Variants in MYH14 observed in about 807,000 individuals in gnomAD.
MYH14 encodes the protein myosin heavy chain 14.
Under a neutral mutation model 255.5 loss-of-function variants are expected in MYH14, and 123 were observed. The observed-to-expected ratio is 0.48, with a 90% CI of 0.42 to 0.56. The LOEUF is 0.56. Ranked by LOEUF, MYH14 falls within the 20% of genes least tolerant of loss-of-function variation. MYH14 has a pLI of 0.00. For missense variants in MYH14, 2,423 were observed against 2,802.3 expected (o/e 0.86, Z 3.06); for synonymous variants, 1,095 against 1,161.2 (o/e 0.94, Z 1.16).
chr19:50,264,424 C>T (rs952655567), intron 22 of MYH14, among the ~76,000 whole-genome samples: 3 of 152,182 alleles, frequency 2.0e-5, no homozygotes, highest in Non-Finnish European at 4.4e-5. Context: ...CCCAAGGCCC[C>T]AGGTAAACCA....
At chr19:50,238,994 TC>T (rs1486212539) in intron 10 of MYH14, among the ~76,000 whole-genome samples, 1 of 151,914 alleles carries the variant, frequency 6.6e-6, no homozygotes, top group Non-Finnish European at 1.5e-5. Flanking sequence ...AGGCCAGTTG[TC>T]CCCCAACCTC....
chr19:50,304,556 C>T (rs1333040050), intron 40 of MYH14, among the ~76,000 whole-genome samples: 3 of 152,208 alleles, frequency 2.0e-5, no homozygotes, highest in African/African-American at 7.2e-5. Flanking sequence ...CACCACTGCA[C>T]TCTAGCCTGG....
chr19:50,208,282 G>A lies in MYH14; in HGVS notation c.-3-2081G>A, dbSNP rs1302591214. Among the ~76,000 whole-genome samples, 5 of 152,154 alleles carry A rather than the reference G, an allele frequency of 3.3e-5. No homozygotes were observed. The South Asian group carries it at 1.0e-3, about 32-fold the overall frequency. Reference sequence around the variant, plus strand: ...ATACAAAAATTAGCCAGGCATAGAGGCATGCGCCTGTAATCCCAGCTACTT... The same window carrying A: ...ATACAAAAATTAGCCAGGCATAGAGACATGCGCCTGTAATCCCAGCTACTT... On this transcript the variant is annotated intron_variant, in intron 1 of 42. Coordinates refer to ENST00000642316, the MANE Select transcript of MYH14 (RefSeq NM_001145809.2).
In MYH14 at chr19:50,276,404, CAG is replaced by C. The variant is rs1265758906; in HGVS notation, c.3680+202_3680+203del. 6.6e-6 allele frequency among the ~76,000 whole-genome samples: 1 copy of C among 152,154 alleles called. No individual in the cohort carries two copies. Among genetic ancestry groups the C allele is most frequent in the African/African-American group, 2.4e-5 (1 of 41,426 alleles). ...TGTTACCCTTGGGAACTTCCAGTCT[CAG>C]GGGAGGCAGATTCAGGCAAAGACAA... On this transcript the variant is annotated intron_variant, in intron 28 of 42. Coordinates refer to ENST00000642316, the MANE Select transcript of MYH14 (RefSeq NM_001145809.2). The surrounding 1 kb of genome is among the most constrained non-coding windows in gnomAD (Gnocchi z 4.3).
intron 1 of MYH14, among the ~76,000 whole-genome samples, chr19:50,206,063 G>A (rs1341191907): frequency 6.6e-6 from 1 of 152,182 alleles, no homozygotes. Flanking sequence ...GGAAGGGTAG[G>A]GCAGTCAGAG....
Position 50,230,257 on chromosome 19 carries a change from AAG to A in MYH14, c.875-251_875-250del, listed in dbSNP as rs113332156. On this transcript the variant is annotated intron_variant, in intron 8 of 42. Coordinates refer to ENST00000642316, the MANE Select transcript of MYH14 (RefSeq NM_001145809.2). The surrounding 1 kb of genome is among the most constrained non-coding windows in gnomAD (Gnocchi z 4.7). ...GACAGAGCAAGACCCTGTCTCTAAA[AAG>A]AGAGAGAGAGAGAGAGGAAGGTCTC... 6.6e-5 allele frequency among the ~76,000 whole-genome samples: 10 copies of A among 151,152 alleles called. No homozygotes were observed. Among genetic ancestry groups the A allele is most frequent in the African/African-American group, 1.5e-4 (6 of 41,284 alleles).
chr19:50,208,284 A>G (rs2031939322), intron 1 of MYH14, among the ~76,000 whole-genome samples: 1 of 152,128 alleles, frequency 6.6e-6, no homozygotes, highest in Non-Finnish European at 1.5e-5. Flanking sequence ...GCATAGAGGC[A>G]TGCGCCTGTA....
At chr19:50,245,372 AT>A (rs1438212425) in intron 11 of MYH14, among the ~76,000 whole-genome samples, 4 of 147,582 alleles carry the variant, frequency 2.7e-5, no homozygotes, top group Admixed American at 6.9e-5. Flanking sequence ...TTGAGCCGAG[AT>A]TGTGCCGCTG....
intron 29 of MYH14, 120 bp downstream of exon 29, chr19:50,277,021 C>T: frequency 2.9e-6 from 2 of 696,156 alleles, no homozygotes; most frequent in South Asian, 3.7e-5. Context: ...CCCCTTTCCT[C>T]ACGCATTCAT....
chr19:50,216,945 C>G (rs1448718409), intron 2 of MYH14, among the ~76,000 whole-genome samples: 1 of 151,094 alleles, frequency 6.6e-6, no homozygotes, highest in African/African-American at 2.4e-5. Flanking sequence ...GTAGCTGGGA[C>G]TACAGGCATG....
At position 50,217,481 on chromosome 19, in the gene MYH14, T is replaced by C. The variant is rs2032541727; in HGVS notation, c.406-134T>C. 3 of 1,017,276 alleles carry C rather than the reference T, an allele frequency of 2.9e-6. No individual in the cohort carries two copies. In the South Asian group the frequency reaches 3.9e-5, roughly 13 times the overall value. 63.0% of individuals were successfully genotyped at this position (1,017,276 alleles called of 1,614,324 possible). A position where few individuals can be genotyped will look rare whatever the true frequency, so the allele number is the denominator to read the frequency against. On this transcript the variant is annotated intron_variant, in intron 2 of 42. Coordinates refer to ENST00000642316, the MANE Select transcript of MYH14 (RefSeq NM_001145809.2). ...AATGCTCATAACAAACATTCAAATCTACATTGTTATGGTGTAGACATACCA... is the reference window on the plus strand; with the variant it reads ...AATGCTCATAACAAACATTCAAATCCACATTGTTATGGTGTAGACATACCA...
At chr19:50,224,220 C>A (rs902731476) in intron 6 of MYH14, 43 bp downstream of exon 6, 5 of 1,613,572 alleles carry the variant, frequency 3.1e-6, no homozygotes, top group Non-Finnish European at 3.4e-6. Context: ...GCCCCTAATG[C>A]CTTCCCGGCC....
intron 1 of MYH14, among the ~76,000 whole-genome samples, chr19:50,210,120 A>G (rs1310934688): frequency 6.7e-6 from 1 of 149,208 alleles, no homozygotes; most frequent in African/African-American, 2.5e-5. Context: ...AAAAAAAAAA[A>G]AAAAAAAAGA....
At chr19:50,254,273 C>A (rs1488876308) in intron 16 of MYH14, among the ~76,000 whole-genome samples, 1 of 151,908 alleles carries the variant, frequency 6.6e-6, no homozygotes, top group Non-Finnish European at 1.5e-5. Context: ...TGAGTGGTTC[C>A]CAAAACACAC....
At position 50,290,731 on chromosome 19, in the gene MYH14, G is replaced by A. The variant is rs143142105; in HGVS notation, c.4966-156G>A. Among the ~76,000 whole-genome samples, 400 of 152,258 alleles carry A rather than the reference G, an allele frequency of 2.6e-3. 4 individuals carry two copies. In the Middle Eastern group the frequency reaches 0.037, roughly 14 times the overall value. The stretch of plus-strand genomic sequence containing the variant: ...ATGGGGGACTGAGCTGGGGCAGTAG[G>A]GATAGAGAGGAGACCAAGTAAAGAG... On this transcript the variant is annotated intron_variant, in intron 35 of 42. Coordinates refer to ENST00000642316, the MANE Select transcript of MYH14 (RefSeq NM_001145809.2).
chr19:50,286,761 T>TC, intron 34 of MYH14, 67 bp downstream of exon 34: 1 of 1,394,556 alleles, frequency 7.2e-7, no homozygotes, highest in Non-Finnish European at 9.9e-7. Flanking sequence ...ATGTATGCTT[T>TC]CACACATAGA....
intron 2 of MYH14, among the ~76,000 whole-genome samples, chr19:50,211,022 C>T (rs1207893727): frequency 1.3e-5 from 2 of 152,170 alleles, no homozygotes; most frequent in South Asian, 2.1e-4. Flanking sequence ...AAGTATAAAA[C>T]GTTCCAATTT....
At chr19:50,271,650 G>A (rs551831922) in intron 25 of MYH14, 104 bp downstream of exon 25, 9 of 1,491,080 alleles carry the variant, frequency 6.0e-6, no homozygotes, top group Middle Eastern at 2.2e-4. Context: ...CGGTTCTCAG[G>A]TGTGCACCGG....
intron 42 of MYH14, 126 bp downstream of exon 42, chr19:50,309,303 G>C: frequency 1.0e-6 from 1 of 956,582 alleles, no homozygotes; most frequent in African/African-American, 1.6e-5. Flanking sequence ...GTGGGGCTGT[G>C]GGAGCAGCGG....
Sources: gnomAD v4.1 joint callset for allele counts (sites outside exome capture counted in the v4.1 genomes callset) on GRCh38, gnomAD v4.1.1 for gene constraint, Gnocchi (gnomAD v3.1) non-coding constraint, MANE v1.5 for transcripts, NCBI Gene and HGNC (gene_info 2026-07-23, HGNC 2026-07-21) for gene names.